Variants in PLCE1 observed in about 807,000 individuals in gnomAD.
PLCE1 encodes phospholipase C epsilon 1.
A neutral mutation model predicts 242.8 loss-of-function variants in PLCE1; 119 were observed. The observed-to-expected ratio is 0.49, with a 90% confidence interval of 0.42 to 0.57. The LOEUF (loss-of-function observed/expected upper bound fraction) is 0.57. PLCE1 is among the 20% of genes least tolerant of loss of function. PLCE1 has a pLI of 0.00. For synonymous variants in PLCE1, 945 were observed against 1,017.4 expected, an observed-to-expected ratio of 0.93 and a Z score of 1.35; for missense variants, 2,441 against 2,788.8, an observed-to-expected ratio of 0.88 and a Z score of 2.81.
At chr10:93,996,009 GA>G (rs1164944157) in intron 1 of PLCE1, among the ~76,000 whole-genome samples, 2 of 152,316 alleles carry the variant, frequency 1.3e-5, no homozygotes, top group East Asian at 3.9e-4. Context: ...AAAGAAGATT[GA>G]AAAAATACTG....
intron 2 of PLCE1, among the ~76,000 whole-genome samples, chr10:94,091,950 A>G (rs1256842243): frequency 6.6e-6 from 1 of 152,144 alleles, no homozygotes; most frequent in African/African-American, 2.4e-5. Flanking sequence ...ACAAATGATC[A>G]TTTCCTGTGC....
At chr10:94,271,744 C>T (rs887282604) in intron 18 of PLCE1, among the ~76,000 whole-genome samples, 3 of 152,256 alleles carry the variant, frequency 2.0e-5, no homozygotes, top group African/African-American at 7.2e-5. Context: ...GGGAACCTGC[C>T]CCCAATGTTT....
intron 13 of PLCE1, among the ~76,000 whole-genome samples, chr10:94,259,358 A>G (rs2051216298): frequency 6.6e-6 from 1 of 150,932 alleles, no homozygotes; most frequent in Admixed American, 6.6e-5. Flanking sequence ...ATCTCAGCTC[A>G]CTGCTACCTC....
intron 2 of PLCE1, among the ~76,000 whole-genome samples, chr10:94,053,968 A>C (rs1378051572): frequency 6.6e-6 from 1 of 152,242 alleles, no homozygotes; most frequent in East Asian, 1.9e-4. Flanking sequence ...AAACTGCCAG[A>C]ATCCAGGTTG....
At chr10:94,132,060 C>T in intron 2 of PLCE1, 114 bp from the exon 3 acceptor site, 1 of 956,142 alleles carries the variant, frequency 1.0e-6, no homozygotes, top group Non-Finnish European at 1.6e-6. Context: ...AGTGTTTGCA[C>T]TTGGAGCATC....
intron 4 of PLCE1, among the ~76,000 whole-genome samples, chr10:94,214,213 G>A (rs2049441098): frequency 6.6e-6 from 1 of 152,174 alleles, no homozygotes; most frequent in South Asian, 2.1e-4. Context: ...CTTCCCAGAA[G>A]ACTGTCCAAG....
chr10:94,308,534 T>G (rs1213181451), intron 26 of PLCE1, 47 bp from the exon 27 acceptor site: 39 of 1,305,922 alleles, frequency 3.0e-5, no homozygotes, highest in Non-Finnish European at 4.1e-5. Flanking sequence ...CATCTTCTTT[T>G]CAGTAGCCAT....
chr10:94,220,952 C>T (rs996551379), intron 4 of PLCE1, among the ~76,000 whole-genome samples: 9 of 152,216 alleles, frequency 5.9e-5, no homozygotes, highest in African/African-American at 1.9e-4. Context: ...CCAGCTTCCC[C>T]TTGTTCCAAA....
In PLCE1 at chr10:94,058,636, C is replaced by G. The variant is rs537490276; in HGVS notation, c.1206+26384C>G. On this transcript the variant is annotated intron_variant, in intron 2 of 32. Transcript: ENST00000371380. ...GCAGAGTTGAGTGGGTCATCTAAACCCTGGGTGATGATTAAGAGCTCAAAG... is the reference window on the plus strand; with the variant it reads ...GCAGAGTTGAGTGGGTCATCTAAACGCTGGGTGATGATTAAGAGCTCAAAG... 1.3e-4 allele frequency among the ~76,000 whole-genome samples: 20 copies of G among 152,176 alleles called. No individual in the cohort carries two copies. The South Asian group carries it at 4.0e-3, about 30-fold the overall frequency.
chr10:94,093,168 C>T (rs564690946), intron 2 of PLCE1, among the ~76,000 whole-genome samples: 14 of 152,262 alleles, frequency 9.2e-5, no homozygotes, highest in South Asian at 6.2e-4. Flanking sequence ...GCCCCCTAAA[C>T]CTTGGTTGCC....
chr10:94,241,408 T>C (rs1156897950), intron 7 of PLCE1, among the ~76,000 whole-genome samples: 1 of 152,226 alleles, frequency 6.6e-6, no homozygotes, highest in African/African-American at 2.4e-5. Context: ...CATGTTGTAT[T>C]TTAATGGGTA....
rs759038546 is a variant in PLCE1, at chr10:94,316,506, T to C, written c.6133-41T>C. On this transcript the variant is annotated intron_variant, in intron 28 of 32. Coordinates refer to ENST00000371380, the MANE Select transcript of PLCE1 (RefSeq NM_016341.4). ...ACCATGAAAGTTGATTTGTTTTAAG[T>C]TTTTGCCTCACTCCTCAGTTTGCCT... is the stretch of plus-strand genomic sequence containing the variant. 4 of 1,313,778 alleles carry C rather than the reference T, an allele frequency of 3.0e-6. No individual in the cohort carries two copies. The South Asian group carries it at 4.8e-5, about 16-fold the overall frequency. The allele number at this position is 1,313,778 out of a possible 1,614,324, so 81.4% of individuals were successfully genotyped here.
At chr10:94,107,246 A>T (rs2045783663) in intron 2 of PLCE1, 1 of 152,200 alleles carries the variant, frequency 6.6e-6, no homozygotes, top group African/African-American at 2.4e-5. Flanking sequence ...TTACAAAGGA[A>T]AGCAAAACTG....
At chr10:94,236,751 C>T (rs1180027175) in intron 7 of PLCE1, among the ~76,000 whole-genome samples, 1 of 152,152 alleles carries the variant, frequency 6.6e-6, no homozygotes, top group African/African-American at 2.4e-5. Flanking sequence ...TTTCACTTAA[C>T]AGGTTGCTAA....
chr10:94,021,514 C>T (rs1005256212), intron 1 of PLCE1, among the ~76,000 whole-genome samples: 2 of 152,004 alleles, frequency 1.3e-5, no homozygotes, highest in Non-Finnish European at 2.9e-5. Flanking sequence ...GCCCTTTCCC[C>T]ATTTAATTAC....
intron 28 of PLCE1, among the ~76,000 whole-genome samples, chr10:94,316,172 G>C (rs768011142): frequency 8.5e-5 from 13 of 152,146 alleles, no homozygotes; most frequent in Non-Finnish European, 1.5e-4. Flanking sequence ...TTTCCAATGT[G>C]AGAAAAAGAG....
At chr10:94,245,790 A>C (rs2050658650) in intron 7 of PLCE1, among the ~76,000 whole-genome samples, 156 bp from the exon 8 acceptor site, 1 of 152,196 alleles carries the variant, frequency 6.6e-6, no homozygotes, top group African/African-American at 2.4e-5. Flanking sequence ...GGCCTCGGTT[A>C]TTAGAAGTTA....
intron 30 of PLCE1, 50 bp downstream of exon 30, chr10:94,322,109 T>C: frequency 1.9e-6 from 3 of 1,542,968 alleles, no homozygotes; most frequent in Non-Finnish European, 2.7e-6. Flanking sequence ...GCATAAATTA[T>C]TGGAACAAAT....
chr10:94,204,667 G>A (rs957868774), intron 4 of PLCE1, among the ~76,000 whole-genome samples: 2 of 147,746 alleles, frequency 1.4e-5, no homozygotes, highest in African/African-American at 5.1e-5. Flanking sequence ...ACTCTGTCCC[G>A]AAAGAAAGAA....
Sources: gnomAD v4.1 joint callset for allele counts (sites outside exome capture counted in the v4.1 genomes callset) on GRCh38, gnomAD v4.1.1 for gene constraint, MANE v1.5 for transcripts, NCBI Gene and HGNC (gene_info 2026-07-23, HGNC 2026-07-21) for gene names.